SV2B: variants seen among roughly 807,000 people sequenced by gnomAD.
SV2B encodes solute carrier family 22 member B2.
In SV2B, 41 loss-of-function variants were observed where a neutral mutation model predicts 73.9. That is an observed-to-expected ratio of 0.56 (90% CI 0.43 to 0.72). The LOEUF is 0.72. Ranked by LOEUF, SV2B falls within the 30% of genes least tolerant of loss-of-function variation. The pLI is 0.00. For missense variants in SV2B, 764 were observed against 857.8 expected (o/e 0.89, Z 1.37); for synonymous variants, 314 against 314.2 (o/e 1.00, Z 0.01).
chr15:91,254,435 C>T (rs972083709), intron 4 of SV2B, among the ~76,000 whole-genome samples: 1 of 152,082 alleles, frequency 6.6e-6, no homozygotes, highest in African/African-American at 2.4e-5. Flanking sequence ...CGGGGTTTCA[C>T]CATGTTGGCC....
At chr15:91,157,638 C>T (rs1482867054) in intron 1 of SV2B, among the ~76,000 whole-genome samples, 1 of 152,162 alleles carries the variant, frequency 6.6e-6, no homozygotes, top group Non-Finnish European at 1.5e-5. Flanking sequence ...CCATTATCAT[C>T]CCTGTTTTAG....
intron 1 of SV2B, among the ~76,000 whole-genome samples, chr15:91,207,386 T>C (rs1376571638): frequency 6.6e-6 from 1 of 152,106 alleles, no homozygotes; most frequent in African/African-American, 2.4e-5. Context: ...ACCTTTGTGG[T>C]AGGCATTCTG....
In SV2B at chr15:91,299,487, T is replaced by G. The variant is rs1212055053; in HGVS notation, c.*6935T>G. On this transcript the variant is annotated 3_prime_UTR_variant, in exon 13 of 13. Coordinates refer to ENST00000394232, the MANE Select transcript of SV2B (RefSeq NM_001323032.3). ...TGGCAATATCAACCTTATCATGAGC[T>G]AAAGATTTGCAATCAGAACATTGGT... The G allele has an allele frequency of 6.6e-6, 1 of 152,202 alleles. No individual in the cohort carries two copies. The highest frequency in any genetic ancestry group is 1.5e-5 in the Non-Finnish European group (1 of 68,042). 9.4% of individuals were successfully genotyped at this position (152,202 alleles called of 1,614,324 possible). A position where few individuals can be genotyped will look rare whatever the true frequency, so the allele number is the denominator to read the frequency against.
At chr15:91,246,543 T>A (rs1351769563) in intron 2 of SV2B, among the ~76,000 whole-genome samples, 1 of 152,236 alleles carries the variant, frequency 6.6e-6, no homozygotes, top group Non-Finnish European at 1.5e-5. Flanking sequence ...GTGGTAGTCA[T>A]GGAGCCAGGA....
At chr15:91,210,165 A>G (rs1055436336) in intron 1 of SV2B, among the ~76,000 whole-genome samples, 9 of 152,044 alleles carry the variant, frequency 5.9e-5, no homozygotes, top group Admixed American at 2.0e-4. Context: ...GAATTTAAAC[A>G]AAAATTATTA....
At position 91,171,013 on chromosome 15, in the gene SV2B, C is replaced by T. The variant is rs567137848; in HGVS notation, c.-391-54860C>T. Reference sequence around the variant, plus strand: ...ATTTAAGTCTTCGCAGCAGCTCTGTCCATTTTGCAGATGAGGAAACTACGG... The same window carrying T: ...ATTTAAGTCTTCGCAGCAGCTCTGTTCATTTTGCAGATGAGGAAACTACGG... On this transcript the variant is annotated intron_variant, in intron 1 of 12. Coordinates refer to ENST00000394232, the MANE Select transcript of SV2B (RefSeq NM_001323032.3). Among the ~76,000 whole-genome samples the T allele has an allele frequency of 2.2e-4, 33 of 152,308 alleles. 1 individual carries two copies. The South Asian group carries it at 6.8e-3, about 32-fold the overall frequency.
rs149756089 is a variant in SV2B, at chr15:91,192,577, T to G, written c.-391-33296T>G. ...AGTGTGTGAAACAATGTGACATTCT[T>G]GATGTGTTTATGAACAACAGTCTCT... On this transcript the variant is annotated intron_variant, in intron 1 of 12. Transcript: ENST00000394232. 1.8e-3 allele frequency among the ~76,000 whole-genome samples: 272 copies of G among 152,326 alleles called. 3 individuals are homozygous for G. Among genetic ancestry groups the G allele is most frequent in the Admixed American group, 6.3e-3 (97 of 15,298 alleles).
At chr15:91,251,249 T>C (rs947067230) in intron 2 of SV2B, among the ~76,000 whole-genome samples, 4 of 152,230 alleles carry the variant, frequency 2.6e-5, no homozygotes, top group Non-Finnish European at 5.9e-5. Flanking sequence ...GGATATTACA[T>C]GCAGAAGAAT....
rs893543126 is a variant in SV2B, at chr15:91,253,277, T to C, written c.784+757T>C. The stretch of plus-strand genomic sequence containing the variant: ...AAATCATTTTTGGTAAATCACTGAT[T>C]ATGAGTATAGGTTCAGCAGTGGTTT... On this transcript the variant is annotated intron_variant, in intron 4 of 12. Transcript: ENST00000394232. The surrounding 1 kb of genome is among the most constrained non-coding windows in gnomAD (Gnocchi z 5.0). 6.6e-6 allele frequency among the ~76,000 whole-genome samples: 1 copy of C among 152,192 alleles called. No individual in the cohort carries two copies. The highest frequency in any genetic ancestry group is 1.5e-5 in the Non-Finnish European group (1 of 68,036).
intron 1 of SV2B, among the ~76,000 whole-genome samples, chr15:91,112,892 C>G (rs1461388267): frequency 6.6e-6 from 1 of 152,228 alleles, no homozygotes; most frequent in Non-Finnish European, 1.5e-5. Context: ...TCATGGCTCA[C>G]TGCAGCCTCA....
chr15:91,182,268 G>A (rs1257217321), intron 1 of SV2B, among the ~76,000 whole-genome samples: 2 of 152,254 alleles, frequency 1.3e-5, no homozygotes, highest in South Asian at 2.1e-4. Context: ...ACATGTGACC[G>A]TCCATCTAAC....
rs2042821397 is a variant in SV2B at position 91,136,262 on chromosome 15, TA to T, written c.-392+35900del. Among the ~76,000 whole-genome samples, 1 of 152,176 alleles carries T rather than the reference TA, an allele frequency of 6.6e-6. No individual in the cohort carries two copies. The highest frequency in any genetic ancestry group is 1.5e-5 in the Non-Finnish European group (1 of 68,032). ...GGGCATACTCAGATGCAGTGTAGCATAGGTATAAACCTCAGATTAGTCGGGA... is the reference window on the plus strand; with the variant it reads ...GGGCATACTCAGATGCAGTGTAGCATGGTATAAACCTCAGATTAGTCGGGA... On this transcript the variant is annotated intron_variant, in intron 1 of 12. Transcript: ENST00000394232. The surrounding 1 kb of genome is among the most constrained non-coding windows in gnomAD (Gnocchi z 5.6).
rs1262414785 is a variant in SV2B, at chr15:91,193,620, C to T, written c.-391-32253C>T. Among the ~76,000 whole-genome samples the T allele has an allele frequency of 2.0e-5, 3 of 152,164 alleles. No individual in the cohort carries two copies. The East Asian group carries it at 5.8e-4, about 29-fold the overall frequency. The stretch of plus-strand genomic sequence containing the variant: ...GACATCCAAGTATGTGAGAGAAGCA[C>T]AAGGACATTCTGCCATTCTGAAAGC... On this transcript the variant is annotated intron_variant, in intron 1 of 12. Transcript: ENST00000394232.
At position 91,290,550 on chromosome 15, in the gene SV2B, AG is replaced by A. The variant is rs1453914473; in HGVS notation, c.1868+872del. On this transcript the variant is annotated intron_variant, in intron 12 of 12. Coordinates refer to ENST00000394232, the MANE Select transcript of SV2B (RefSeq NM_001323032.3). This position sits in a 1 kb window ranked among gnomAD's most constrained non-coding sequence, Gnocchi z 4.7. ...CTATAGACAAAAAGACAATGTGGTC[AG>A]GTGGTCAGTAATAAAACGAAATTAT... Among the ~76,000 whole-genome samples the A allele has an allele frequency of 6.6e-6, 1 of 152,248 alleles. No individual in the cohort carries two copies. Among genetic ancestry groups the A allele is most frequent in the Non-Finnish European group, 1.5e-5 (1 of 68,036 alleles).
Position 91,227,377 on chromosome 15 carries a change from A to C in SV2B, c.451+663A>C, listed in dbSNP as rs1424517681. Among the ~76,000 whole-genome samples, 1 of 152,252 alleles carries C rather than the reference A, an allele frequency of 6.6e-6. No individual in the cohort carries two copies. Among genetic ancestry groups the C allele is most frequent in the Admixed American group, 6.5e-5 (1 of 15,290 alleles). On this transcript the variant is annotated intron_variant, in intron 2 of 12. Transcript: ENST00000394232. This position sits in a 1 kb window ranked among gnomAD's most constrained non-coding sequence, Gnocchi z 4.5. ...AGAGCCAAGCATCAGCATCAGGCTG[A>C]GGCAGAGAGGATTTGTGAAATTAGA...
At chr15:91,119,540 C>T (rs1381496837) in intron 1 of SV2B, among the ~76,000 whole-genome samples, 1 of 152,184 alleles carries the variant, frequency 6.6e-6, no homozygotes, top group Non-Finnish European at 1.5e-5. Flanking sequence ...TTCAAGTTTC[C>T]AGCCAGGTGG....
chr15:91,287,057 A>C (rs1302290695), intron 11 of SV2B, among the ~76,000 whole-genome samples: 1 of 152,152 alleles, frequency 6.6e-6, no homozygotes, highest in Non-Finnish European at 1.5e-5. Context: ...TCCACAGAGC[A>C]CTTGGGGGTC....
chr15:91,295,449 A>C lies in SV2B; in HGVS notation c.*2897A>C, dbSNP rs1365566751. On this transcript the variant is annotated 3_prime_UTR_variant, in exon 13 of 13. Coordinates refer to ENST00000394232, the MANE Select transcript of SV2B (RefSeq NM_001323032.3). Reference sequence around the variant, plus strand: ...CTGGGGTTAGAGATTATTTTCAGGCACTAAGGTCTCTTCTGTATTCCAAAA... The same window carrying C: ...CTGGGGTTAGAGATTATTTTCAGGCCCTAAGGTCTCTTCTGTATTCCAAAA... 4 of 152,238 alleles carry C rather than the reference A, an allele frequency of 2.6e-5. No homozygotes were observed. The highest frequency in any genetic ancestry group is 5.9e-5 in the Non-Finnish European group (4 of 68,052). The allele number at this position is 152,238 out of a possible 1,614,324, so 9.4% of individuals were successfully genotyped here.
intron 1 of SV2B, among the ~76,000 whole-genome samples, chr15:91,149,750 A>G (rs2043253968): frequency 6.6e-6 from 1 of 152,210 alleles, no homozygotes; most frequent in African/African-American, 2.4e-5. Flanking sequence ...TGCCCAAGTC[A>G]TCCAGCTTCA....
Sources: allele counts gnomAD v4.1 joint callset (sites outside exome capture counted in the v4.1 genomes callset), GRCh38; gene constraint gnomAD v4.1.1; non-coding constraint Gnocchi (gnomAD v3.1); transcripts MANE v1.5; gene names NCBI Gene and HGNC (gene_info 2026-07-23, HGNC 2026-07-21).